Variants in CAB39 observed in about 807,000 individuals in gnomAD.
The protein encoded by CAB39 is calcium binding protein 39, also known as calcium-binding protein 39.
A neutral mutation model predicts 40.0 loss-of-function variants in CAB39; 8 were observed. The ratio of observed to expected loss-of-function variants is 0.20; its 90% CI spans 0.12 to 0.36. CAB39 has a LOEUF of 0.36. Ranked by LOEUF, CAB39 falls within the 10% of genes least tolerant of loss-of-function variation. CAB39 has a pLI of 1.00. For missense variants in CAB39, 270 were observed against 401.1 expected, an observed-to-expected ratio of 0.67 and a Z score of 2.79; for synonymous variants, 156 against 141.6, an observed-to-expected ratio of 1.10 and a Z score of -0.72.
intron 2 of CAB39, among the ~76,000 whole-genome samples, chr2:230,776,217 CA>C (rs1332439199): frequency 3.3e-5 from 5 of 152,098 alleles, no homozygotes; most frequent in African/African-American, 1.2e-4. Flanking sequence ...AGGGGGAGTG[CA>C]AGAGGTCTTA....
At chr2:230,782,789 GTTTCTTTCTTTC>G (rs375221449) in intron 2 of CAB39, among the ~76,000 whole-genome samples, 1 of 118,014 alleles carries the variant, frequency 8.5e-6, no homozygotes, top group Non-Finnish European at 1.7e-5. Context: ...ACAGACTGCT[GTTTCTTTCTTTC>G]TTTCTTTCTT....
At chr2:230,817,602 G>T (rs975888892) in intron 7 of CAB39, 152 bp from the exon 8 acceptor site, 2 of 553,092 alleles carry the variant, frequency 3.6e-6, no homozygotes, top group African/African-American at 2.0e-5. Context: ...AAGGCCCTTC[G>T]TAGCTTTTAG....
chr2:230,715,612 A>G (rs184440305), intron 1 of CAB39, among the ~76,000 whole-genome samples: 14 of 152,340 alleles, frequency 9.2e-5, no homozygotes, highest in Admixed American at 5.9e-4. Flanking sequence ...TTTTTTGAAC[A>G]TGACATCACG....
chr2:230,771,174 A>G (rs1170333909), intron 2 of CAB39, among the ~76,000 whole-genome samples: 1 of 152,222 alleles, frequency 6.6e-6, no homozygotes, highest in East Asian at 1.9e-4. Flanking sequence ...AGACTAGTAA[A>G]TAAGTTTAGC....
intron 1 of CAB39, among the ~76,000 whole-genome samples, chr2:230,719,358 G>A (rs1315973789): frequency 6.6e-6 from 1 of 152,168 alleles, no homozygotes; most frequent in Non-Finnish European, 1.5e-5. Flanking sequence ...CCCTGAAATA[G>A]GGTATGACTC....
intron 2 of CAB39, among the ~76,000 whole-genome samples, chr2:230,761,585 A>G (rs1421760548): frequency 6.6e-6 from 1 of 152,212 alleles, no homozygotes; most frequent in Non-Finnish European, 1.5e-5. Flanking sequence ...GGATGCTTTC[A>G]GGTGAGTTTG....
intron 2 of CAB39, among the ~76,000 whole-genome samples, chr2:230,780,527 A>G (rs1220126707): frequency 6.6e-6 from 1 of 152,108 alleles, no homozygotes; most frequent in Non-Finnish European, 1.5e-5. Flanking sequence ...CTTTCTTATG[A>G]CTTTTATGAC....
intron 5 of CAB39, among the ~76,000 whole-genome samples, chr2:230,804,211 A>C (rs773373056): frequency 6.6e-6 from 1 of 152,204 alleles, no homozygotes; most frequent in Non-Finnish European, 1.5e-5. Flanking sequence ...AGAAAGCTGA[A>C]ACTGGACACC....
intron 1 of CAB39, among the ~76,000 whole-genome samples, chr2:230,730,804 G>A (rs1261975200): frequency 6.6e-6 from 1 of 152,136 alleles, no homozygotes; most frequent in Non-Finnish European, 1.5e-5. Flanking sequence ...TTGCTGTCGA[G>A]TGATAGAAGA....
intron 4 of CAB39, among the ~76,000 whole-genome samples, chr2:230,795,045 G>A (rs1251087119): frequency 6.6e-6 from 1 of 152,176 alleles, no homozygotes; most frequent in Admixed American, 6.5e-5. Context: ...GGAGGCCAAG[G>A]CGGGTGGATC....
intron 1 of CAB39, among the ~76,000 whole-genome samples, chr2:230,733,063 G>C (rs1195649944): frequency 6.6e-6 from 1 of 152,160 alleles, no homozygotes; most frequent in Non-Finnish European, 1.5e-5. Flanking sequence ...AGGGTGCTCT[G>C]TCTTTGCTAG....
chr2:230,807,015 G>T (rs1696207759), intron 5 of CAB39, among the ~76,000 whole-genome samples: 1 of 152,114 alleles, frequency 6.6e-6, no homozygotes, highest in African/African-American at 2.4e-5. Context: ...CTTGGGAAAT[G>T]ATCCCTAGTC....
intron 5 of CAB39, among the ~76,000 whole-genome samples, chr2:230,805,180 A>G (rs1275640639): frequency 6.8e-6 from 1 of 147,918 alleles, no homozygotes; most frequent in Non-Finnish European, 1.5e-5. Context: ...TCTCACTCAT[A>G]GGTGCGAATT....
chr2:230,761,202 A>T (rs549423827), intron 2 of CAB39, among the ~76,000 whole-genome samples: 8 of 152,308 alleles, frequency 5.3e-5, no homozygotes, highest in African/African-American at 1.9e-4. Flanking sequence ...ACAATATTTT[A>T]AATTTGCATT....
rs1696498382 is a variant in CAB39, at chr2:230,820,926, G to A, written c.*2222G>A. 1 of 152,602 alleles carries A rather than the reference G, an allele frequency of 6.6e-6. No homozygotes were observed. The highest frequency in any genetic ancestry group is 2.1e-4 in the South Asian group (1 of 4,830). 9.5% of individuals were successfully genotyped at this position (152,602 alleles called of 1,614,324 possible). On this transcript the variant is annotated 3_prime_UTR_variant, in exon 9 of 9. Coordinates refer to ENST00000258418, the MANE Select transcript of CAB39 (RefSeq NM_016289.4). ...TTTACATAAGGCAGTTACTTAATGT[G>A]ATTTTTAACCCTTAAAAAAGTGGAG...
chr2:230,734,343 A>G (rs1475729173), intron 1 of CAB39, among the ~76,000 whole-genome samples: 1 of 152,060 alleles, frequency 6.6e-6, no homozygotes, highest in Non-Finnish European at 1.5e-5. Context: ...TGCATTTCCT[A>G]AATATGTATC....
chr2:230,773,320 G>A lies in CAB39; in HGVS notation c.114+13205G>A, dbSNP rs549315549. Among the ~76,000 whole-genome samples the A allele has an allele frequency of 1.9e-3, 274 of 146,370 alleles. 3 individuals are homozygous for A. The highest frequency in any genetic ancestry group is 6.7e-3 in the African/African-American group (254 of 37,656). On this transcript the variant is annotated intron_variant, in intron 2 of 8. Coordinates refer to ENST00000258418, the MANE Select transcript of CAB39 (RefSeq NM_016289.4). ...TGTGTATATATATATATATATGTGT[G>A]TGTGTGTGTGTGTGTGTGTGTGTGT... is the stretch of plus-strand genomic sequence containing the variant.
At chr2:230,787,511 T>C (rs1021761734) in intron 2 of CAB39, among the ~76,000 whole-genome samples, 2 of 152,230 alleles carry the variant, frequency 1.3e-5, no homozygotes, top group African/African-American at 4.8e-5. Flanking sequence ...CATTGCAGTG[T>C]CATTCGCCCC....
intron 5 of CAB39, among the ~76,000 whole-genome samples, chr2:230,804,636 A>G (rs935868703): frequency 3.3e-5 from 5 of 152,252 alleles, no homozygotes; most frequent in African/African-American, 9.6e-5. Context: ...GCCAACAGAC[A>G]CATGAAAAAA....
Sources: allele counts gnomAD v4.1 joint callset (sites outside exome capture counted in the v4.1 genomes callset), GRCh38; gene constraint gnomAD v4.1.1; transcripts MANE v1.5; gene names NCBI Gene and HGNC (gene_info 2026-07-23, HGNC 2026-07-21).